The following DCDC1 variants were observed in gnomAD, a reference collection of about 807,000 sequenced individuals.
The protein encoded by DCDC1 is doublecortin domain containing 1.
In DCDC1, 200 loss-of-function variants were observed where a neutral mutation model predicts 178.3. The ratio of observed to expected loss-of-function variants is 1.12; its 90% CI spans 1.00 to 1.26. The LOEUF is 1.26. Ranked by LOEUF, DCDC1 falls within the 50% of genes most tolerant of loss-of-function variation. The pLI, the probability that DCDC1 is intolerant of heterozygous loss-of-function variation, is 0.00. For synonymous variants in DCDC1, 690 were observed against 604.8 expected, an observed-to-expected ratio of 1.14 and a Z score of -2.07; for missense variants, 1,983 against 1,749.2, an observed-to-expected ratio of 1.13 and a Z score of -2.38.
At position 30,933,267 on chromosome 11, in the gene DCDC1, T is replaced by C. The variant is rs1237251156; in HGVS notation, c.2716-1315A>G. On this transcript the variant is annotated intron_variant, in intron 21 of 38. Coordinates refer to ENST00000684477, the MANE Select transcript of DCDC1 (RefSeq NM_001387274.1). ...CTTGTTGGCCCTTTGTTAATTCATATACATTTAAGAATAAGTTTGGTTAGT... is the reference window on the plus strand; with the variant it reads ...CTTGTTGGCCCTTTGTTAATTCATACACATTTAAGAATAAGTTTGGTTAGT... Among the ~76,000 whole-genome samples, 6 of 152,094 alleles carry C rather than the reference T, an allele frequency of 3.9e-5. No homozygotes were observed. The South Asian group carries it at 8.3e-4, about 21-fold the overall frequency.
At chr11:31,057,225 T>G (rs1308706425) in intron 20 of DCDC1, among the ~76,000 whole-genome samples, 2 of 135,854 alleles carry the variant, frequency 1.5e-5, no homozygotes, top group African/African-American at 5.8e-5. Flanking sequence ...TACAGCAAGA[T>G]TCTATCTCGA....
chr11:30,951,620 C>T (rs372256829), intron 21 of DCDC1, among the ~76,000 whole-genome samples: 3 of 151,896 alleles, frequency 2.0e-5, no homozygotes, highest in African/African-American at 7.2e-5. Flanking sequence ...GCATATAAGT[C>T]ACAAATCATA....
intron 20 of DCDC1, among the ~76,000 whole-genome samples, chr11:31,020,189 A>T (rs927915979): frequency 6.6e-6 from 1 of 152,202 alleles, no homozygotes; most frequent in African/African-American, 2.4e-5. Flanking sequence ...AAAAGATCAA[A>T]ATATGAGAAA....
chr11:30,888,160 A>G (rs1266249808), intron 36 of DCDC1, among the ~76,000 whole-genome samples: 3 of 132,820 alleles, frequency 2.3e-5, no homozygotes, highest in African/African-American at 6.5e-5. Context: ...GAAAGAAAGA[A>G]AGGGAAAGAA....
chr11:30,878,574 C>G lies in DCDC1; in HGVS notation c.*10G>C. ...AAATACAGCAGAAAATCCGATGGTT[C>G]TGATAGGAGTTAATTGTGGAGATGT... On this transcript the variant is annotated 3_prime_UTR_variant, in exon 38 of 39. Transcript: ENST00000684477. 6.3e-7 allele frequency: 1 copy of G among 1,587,938 alleles called. No individual in the cohort carries two copies. The highest frequency in any genetic ancestry group is 8.5e-7 in the Non-Finnish European group (1 of 1,171,386).
chr11:31,001,706 T>C (rs1484282682), intron 20 of DCDC1, among the ~76,000 whole-genome samples: 1 of 152,222 alleles, frequency 6.6e-6, no homozygotes, highest in Non-Finnish European at 1.5e-5. Flanking sequence ...ACAGAAATCA[T>C]ATCACAGCCG....
At chr11:31,274,216 G>T (rs1257498397) in intron 7 of DCDC1, among the ~76,000 whole-genome samples, 1 of 152,038 alleles carries the variant, frequency 6.6e-6, no homozygotes, top group South Asian at 2.1e-4. Context: ...CCTCTCTTAA[G>T]GCAATCTAAA....
chr11:31,198,261 T>C (rs941781886), intron 9 of DCDC1, among the ~76,000 whole-genome samples: 1 of 152,058 alleles, frequency 6.6e-6, no homozygotes, highest in African/African-American at 2.4e-5. Flanking sequence ...AACTCTAACA[T>C]TGCCTCAATG....
At chr11:31,183,054 A>T (rs910840863) in intron 9 of DCDC1, among the ~76,000 whole-genome samples, 1 of 152,240 alleles carries the variant, frequency 6.6e-6, no homozygotes, top group South Asian at 2.1e-4. Flanking sequence ...AGAGTTAACT[A>T]TCCTAAACAT....
At chr11:30,904,831 C>T in intron 31 of DCDC1, 130 bp downstream of exon 31, 1 of 1,003,400 alleles carries the variant, frequency 1.0e-6, no homozygotes, top group Non-Finnish European at 1.5e-6. Context: ...AGATCTTCAT[C>T]TCATCAGCTT....
At chr11:31,328,734 C>T (rs1318221094) in intron 2 of DCDC1, among the ~76,000 whole-genome samples, 1 of 150,692 alleles carries the variant, frequency 6.6e-6, no homozygotes, top group Non-Finnish European at 1.5e-5. Context: ...TGGCAGGAAC[C>T]CGGGAGGTGG....
chr11:31,273,381 T>C (rs1945728211), intron 7 of DCDC1, among the ~76,000 whole-genome samples: 2 of 152,302 alleles, frequency 1.3e-5, no homozygotes, highest in African/African-American at 4.8e-5. Flanking sequence ...TTCCACCAGA[T>C]ACCCTAAATC....
At chr11:31,118,068 TG>T (rs1338862341) in intron 11 of DCDC1, among the ~76,000 whole-genome samples, 1 of 152,152 alleles carries the variant, frequency 6.6e-6, no homozygotes, top group African/African-American at 2.4e-5. Flanking sequence ...AGTGTTTTTT[TG>T]ATGAGAAAAA....
intron 21 of DCDC1, among the ~76,000 whole-genome samples, chr11:30,940,796 C>A (rs1306887756): frequency 1.3e-5 from 2 of 151,976 alleles, no homozygotes; most frequent in South Asian, 2.1e-4. Context: ...CCTTCTAATT[C>A]TTTGACTTCA....
chr11:31,100,240 G>T (rs1482131645), intron 15 of DCDC1, among the ~76,000 whole-genome samples: 1 of 152,152 alleles, frequency 6.6e-6, no homozygotes, highest in Non-Finnish European at 1.5e-5. Flanking sequence ...AGAATATTCA[G>T]CCTTGAAAGC....
At chr11:31,227,281 T>C (rs1347048287) in intron 9 of DCDC1, among the ~76,000 whole-genome samples, 3 of 152,124 alleles carry the variant, frequency 2.0e-5, no homozygotes, top group African/African-American at 4.8e-5. Flanking sequence ...TGGAAGCTCA[T>C]AATCATGGTA....
At chr11:31,132,009 C>T (rs1412449221) in intron 10 of DCDC1, among the ~76,000 whole-genome samples, 2 of 152,168 alleles carry the variant, frequency 1.3e-5, no homozygotes, top group African/African-American at 4.8e-5. Flanking sequence ...GGGCTATTGG[C>T]TAAAGTCTTA....
At chr11:31,039,598 A>C (rs924531274) in intron 20 of DCDC1, among the ~76,000 whole-genome samples, 1 of 152,194 alleles carries the variant, frequency 6.6e-6, no homozygotes, top group African/African-American at 2.4e-5. Flanking sequence ...TTTTAAAGAG[A>C]CAAAGGGAAA....
intron 3 of DCDC1, among the ~76,000 whole-genome samples, chr11:31,322,994 G>A (rs1318874357): frequency 6.6e-6 from 1 of 152,028 alleles, no homozygotes; most frequent in Non-Finnish European, 1.5e-5. Context: ...CTTTACTAAT[G>A]TTGAATTAAT....
Sources: gnomAD v4.1 joint callset for allele counts (sites outside exome capture counted in the v4.1 genomes callset) on GRCh38, gnomAD v4.1.1 for gene constraint, MANE v1.5 for transcripts, NCBI Gene and HGNC (gene_info 2026-07-23, HGNC 2026-07-21) for gene names.